Variants in CLCF1 observed in about 807,000 individuals in gnomAD.
The protein encoded by CLCF1 is cardiotrophin-like cytokine factor 1.
CLCF1 carries 10 observed loss-of-function variants against 21.2 expected under a neutral mutation model. The ratio of observed to expected loss-of-function variants is 0.47; its 90% confidence interval spans 0.29 to 0.80. The LOEUF is 0.80. Ranked by LOEUF, CLCF1 falls within the 30% of genes least tolerant of loss-of-function variation. CLCF1 has a pLI of 0.09. For synonymous variants in CLCF1, 115 were observed against 120.5 expected (o/e 0.95, Z 0.30); for missense variants, 240 against 293.4 (o/e 0.82, Z 1.33).
At position 67,364,277 on chromosome 11, in the gene CLCF1, G is replaced by C. The variant is rs1377457574; in HGVS notation, c.*859C>G. The C allele has an allele frequency of 6.6e-6, 1 of 152,552 alleles. No individual in the cohort carries two copies. Among genetic ancestry groups the C allele is most frequent in the African/African-American group, 2.4e-5 (1 of 41,438 alleles). The allele number at this position is 152,552 out of a possible 1,614,324, so 9.4% of individuals were successfully genotyped here. A position where few individuals can be genotyped will look rare whatever the true frequency, so the allele number is the denominator to read the frequency against. ...TAAATATTAATACAACACACTTAGA[G>C]TCATGAGTGGGTGGGGCTGGGGGGC... On this transcript the variant is annotated 3_prime_UTR_variant, in exon 3 of 3. Coordinates refer to ENST00000312438, the MANE Select transcript of CLCF1 (RefSeq NM_013246.3).
chr11:67,369,631 C>G, intron 1 of CLCF1: 1 of 985,462 alleles, frequency 1.0e-6, no homozygotes, highest in Non-Finnish European at 1.2e-6. Flanking sequence ...AGCGGCCCTC[C>G]CAGCCTTGAG....
At chr11:67,371,180 C>T in intron 1 of CLCF1, 8 of 583,048 alleles carry the variant, frequency 1.4e-5, no homozygotes, top group Non-Finnish European at 1.7e-5. Flanking sequence ...ACCCATCTTC[C>T]TTCCACCCTC....
chr11:67,369,857 AT>A, intron 1 of CLCF1: 1 of 985,416 alleles, frequency 1.0e-6, no homozygotes, highest in South Asian at 4.7e-5. Flanking sequence ...CCTAGGGGAG[AT>A]CAGCTCCCTA....
intron 1 of CLCF1, chr11:67,368,435 T>C (rs1343129601): frequency 1.0e-6 from 1 of 985,160 alleles, no homozygotes; most frequent in Non-Finnish European, 1.2e-6. Flanking sequence ...TCGGGCTTGT[T>C]GGCTGATGGC....
At position 67,371,091 on chromosome 11, in the gene CLCF1, G is replaced by A. The variant is rs1286654336; in HGVS notation, c.16+2433C>T. The stretch of plus-strand genomic sequence containing the variant: ...GGAGTGGGCTAGGGATGGAGTGGGT[G>A]AGGTCCAGGCATTGTGACGGTAGGA... On this transcript the variant is annotated intron_variant, in intron 1 of 2. Coordinates refer to ENST00000312438, the MANE Select transcript of CLCF1 (RefSeq NM_013246.3). 7 of 985,172 alleles carry A rather than the reference G, an allele frequency of 7.1e-6. No homozygotes were observed. In the African/African-American group the frequency reaches 8.7e-5, roughly 12 times the overall value. 61.0% of individuals were successfully genotyped at this position (985,172 alleles called of 1,614,324 possible). A position where few individuals can be genotyped will look rare whatever the true frequency, so the allele number is the denominator to read the frequency against.
At chr11:67,369,920 T>C in intron 1 of CLCF1, 3 of 961,712 alleles carry the variant, frequency 3.1e-6, no homozygotes, top group Non-Finnish European at 3.6e-6. Context: ...CTAAGTCATC[T>C]GGGCAGAAAA....
intron 1 of CLCF1, chr11:67,368,901 CTTTTTTTTTCCTTT>C (rs1862171271): frequency 2.9e-6 from 2 of 682,508 alleles, no homozygotes; most frequent in Non-Finnish European, 3.4e-6. Flanking sequence ...TCCTATAGTT[CTTTTTTTTTCCTTT>C]TTTTTTTTTT....
chr11:67,368,828 A>G, intron 1 of CLCF1: 1 of 982,738 alleles, frequency 1.0e-6, no homozygotes, highest in Non-Finnish European at 1.2e-6. Flanking sequence ...TTGTCATGTT[A>G]TGAAGAGCAG....
chr11:67,365,035 C>G lies in CLCF1; in HGVS notation c.*101G>C. 1 of 1,584,888 alleles carries G rather than the reference C, an allele frequency of 6.3e-7. No homozygotes were observed. The highest frequency in any genetic ancestry group is 8.6e-7 in the Non-Finnish European group (1 of 1,169,022). ...GGTCCAGGAAAGGGCCAGAGGCTCACAGCTTCTGTCTCCTGGCTCAACAGG... is the reference window on the plus strand; with the variant it reads ...GGTCCAGGAAAGGGCCAGAGGCTCAGAGCTTCTGTCTCCTGGCTCAACAGG... On this transcript the variant is annotated 3_prime_UTR_variant, in exon 3 of 3. Coordinates refer to ENST00000312438, the MANE Select transcript of CLCF1 (RefSeq NM_013246.3). The surrounding 1 kb of genome is among the most constrained non-coding windows in gnomAD (Gnocchi z 5.0).
At position 67,364,374 on chromosome 11, in the gene CLCF1, T is replaced by C. The variant is rs1862056280; in HGVS notation, c.*762A>G. 6.6e-6 allele frequency: 1 copy of C among 152,548 alleles called. No individual in the cohort carries two copies. The highest frequency in any genetic ancestry group is 2.4e-5 in the African/African-American group (1 of 41,398). 9.4% of individuals were successfully genotyped at this position (152,548 alleles called of 1,614,324 possible). On this transcript the variant is annotated 3_prime_UTR_variant, in exon 3 of 3. Coordinates refer to ENST00000312438, the MANE Select transcript of CLCF1 (RefSeq NM_013246.3). The stretch of plus-strand genomic sequence containing the variant: ...TGTAAACTTTCAGGAAATCCTGTGG[T>C]GTGGCTATGGTTGCCCTCCCCAGCC...
At chr11:67,369,173 A>C in intron 1 of CLCF1, 3 of 985,264 alleles carry the variant, frequency 3.0e-6, no homozygotes, top group Non-Finnish European at 3.6e-6. Flanking sequence ...TTTGTATAAA[A>C]CATCTCTTAT....
rs760645462 is a variant in CLCF1 at position 67,365,220 on chromosome 11, C to G, written c.594G>C (p.Ser198=). ...TCTTGAGCCGGTTGAAGTCCTTGGC[C>G]GAGCGCCACAGCCAGGTCTGCAGCT... ...LKELQTWLWR[S]AKDFNRLKKK... The change falls in exon 3 of 3, where the codon TCG becomes TCC. Residue 198 remains serine, a synonymous_variant. Coordinates refer to ENST00000312438, the MANE Select transcript of CLCF1 (RefSeq NM_013246.3). This position sits in a 1 kb window ranked among gnomAD's most constrained non-coding sequence, Gnocchi z 5.0. 14 of 1,613,872 alleles carry G rather than the reference C, an allele frequency of 8.7e-6. No homozygotes were observed. The highest frequency in any genetic ancestry group is 1.7e-5 in the Admixed American group (1 of 60,004).
At chr11:67,373,599 G>A (rs1235644378), upstream of CLCF1, 86 of 1,295,982 alleles carry the variant, frequency 6.6e-5, no homozygotes, top group Non-Finnish European at 8.1e-5. Flanking sequence ...GGAGTGGGAG[G>A]GCGAGCCGCG....
Position 67,368,874 on chromosome 11 carries a change from G to A in CLCF1, c.17-1248C>T, listed in dbSNP as rs553767223. On this transcript the variant is annotated intron_variant, in intron 1 of 2. Transcript: ENST00000312438. Reference sequence around the variant, plus strand: ...GGTTTTCAGCTTGAATAGGTGTGAGGTCATGAGTGGTTTCTTTCCTATAGT... The same window carrying A: ...GGTTTTCAGCTTGAATAGGTGTGAGATCATGAGTGGTTTCTTTCCTATAGT... 17 of 976,710 alleles carry A rather than the reference G, an allele frequency of 1.7e-5. No homozygotes were observed. The African/African-American group carries it at 2.5e-4, about 15-fold the overall frequency. The allele number at this position is 976,710 out of a possible 1,614,324, so 60.5% of individuals were successfully genotyped here.
chr11:67,369,359 G>C, intron 1 of CLCF1: 1 of 953,880 alleles, frequency 1.0e-6, no homozygotes, highest in East Asian at 1.2e-4. Context: ...TTAGGACAGA[G>C]AGTAGGGTCA....
At position 67,368,918 on chromosome 11, in the gene CLCF1, T is replaced by TTTA. The variant is rs1210400857; in HGVS notation, c.17-1293_17-1292insTAA. 3 of 910,790 alleles carry TTTA rather than the reference T, an allele frequency of 3.3e-6. No homozygotes were observed. In the Admixed American group the frequency reaches 2.8e-4, roughly 86 times the overall value. 56.4% of individuals were successfully genotyped at this position (910,790 alleles called of 1,614,324 possible). ...CTATAGTTCTTTTTTTTTCCTTTTT[T>TTTA]TTTTTTTTTTTTGCTGCCACCTTCT... On this transcript the variant is annotated intron_variant, in intron 1 of 2. Transcript: ENST00000312438.
chr11:67,374,110 C>G (rs1862296307), upstream of CLCF1: 3 of 985,908 alleles, frequency 3.0e-6, no homozygotes, highest in Middle Eastern at 1.0e-3. Flanking sequence ...ACCTTCCCTC[C>G]TCCTCCCCCT....
In CLCF1 at chr11:67,365,581, C is replaced by T. The variant is rs145294376; in HGVS notation, c.233G>A (p.Arg78His). 24 of 1,613,470 alleles carry T rather than the reference C, an allele frequency of 1.5e-5. No individual in the cohort carries two copies. Among genetic ancestry groups the T allele is most frequent in the South Asian group, 7.7e-5 (7 of 91,062 alleles). Residue 78 changes from arginine (R) to histidine (H), a missense_variant, in exon 3 of 3, where the codon CGC becomes CAC. Physicochemically the swap from Arg to His is conservative, Grantham distance 29 (BLOSUM62 0). Coordinates refer to ENST00000312438, the MANE Select transcript of CLCF1 (RefSeq NM_013246.3). This position sits in a 1 kb window ranked among gnomAD's most constrained non-coding sequence, Gnocchi z 5.0. ...CCTGGGCAGAGTCTCTGCCCCCAGG[C>T]GGGGAGGGTTGAAGTCTGGCTCGTT... ...PFNEPDFNPP[R>H]LGAETLPRAT...
intron 2 of CLCF1, among the ~76,000 whole-genome samples, chr11:67,366,579 G>A (rs577432671): frequency 1.5e-4 from 23 of 152,116 alleles, no homozygotes; most frequent in African/African-American, 4.3e-4. Context: ...TCGGGGGAGC[G>A]GCTGGGGCCC....
Sources: gnomAD v4.1 joint callset for allele counts (sites outside exome capture counted in the v4.1 genomes callset) on GRCh38, gnomAD v4.1.1 for gene constraint, Gnocchi (gnomAD v3.1) non-coding constraint, MANE v1.5 for transcripts, NCBI Gene and HGNC (gene_info 2026-07-23, HGNC 2026-07-21) for gene names.